LIFR: variants seen among roughly 807,000 people sequenced by gnomAD.
LIFR encodes the protein leukemia inhibitory factor receptor.
In LIFR, 84 loss-of-function variants were observed where a neutral mutation model predicts 122.2. The ratio of observed to expected loss-of-function variants is 0.69; its 90% confidence interval spans 0.58 to 0.82. The LOEUF is 0.82. Ranked by LOEUF, LIFR falls within the 40% of genes least tolerant of loss-of-function variation. The probability of loss-of-function intolerance (pLI) is 0.00; values close to 1 mark genes in which losing one functional copy is unlikely to be tolerated. For synonymous variants in LIFR, 422 were observed against 434.7 expected (o/e 0.97, Z 0.36); for missense variants, 1,294 against 1,311.6 (o/e 0.99, Z 0.21).
At chr5:38,517,985 G>T (rs115506381) in intron 5 of LIFR, among the ~76,000 whole-genome samples, 2,844 of 148,314 alleles carry the variant, frequency 0.019, 52 homozygotes, top group Non-Finnish European at 0.026. Context: ...GGGCACAGCA[G>T]CATGCACCTG....
chr5:38,510,715 A>AT lies in LIFR; in HGVS notation c.739dup (p.Ile247AsnfsTer3). On this transcript the variant is annotated frameshift_variant, in exon 7 of 20. Coordinates refer to ENST00000453190, the MANE Select transcript of LIFR (RefSeq NM_001127671.2). LOFTEE classifies it high-confidence loss of function. Reference sequence around the variant, plus strand: ...AAAAACCTTAGTCTGAGAATCAGGTATCCCTAGAAAGAAAAAGAGGAATTA... The same window carrying AT: ...AAAAACCTTAGTCTGAGAATCAGGTATTCCCTAGAAAGAAAAAGAGGAATTA... 6.2e-7 allele frequency: 1 copy of AT among 1,607,952 alleles called. No individual in the cohort carries two copies. Among genetic ancestry groups the AT allele is most frequent in the South Asian group, 1.1e-5 (1 of 90,846 alleles).
upstream of LIFR, among the ~76,000 whole-genome samples, chr5:38,599,284 A>C (rs1750180122): frequency 6.6e-6 from 1 of 152,240 alleles, no homozygotes; most frequent in Admixed American, 6.5e-5. Context: ...CATTGCCTTA[A>C]AGTCCTAGAG....
chr5:38,484,602 AATAAT>A (rs1299948282), intron 18 of LIFR, among the ~76,000 whole-genome samples, 168 bp downstream of exon 18: 1 of 152,200 alleles, frequency 6.6e-6, no homozygotes, highest in Non-Finnish European at 1.5e-5. Context: ...AAGACCTTTA[AATAAT>A]ATGTCATGTT....
At chr5:38,490,084 C>A in intron 15 of LIFR, 106 bp downstream of exon 15, 1 of 440,772 alleles carries the variant, frequency 2.3e-6, no homozygotes, top group Non-Finnish European at 4.2e-6. Flanking sequence ...TTTTACCTTC[C>A]TTCAATTATA....
intron 2 of LIFR, among the ~76,000 whole-genome samples, 178 bp from the exon 3 acceptor site, chr5:38,529,018 TG>T (rs1484761891): frequency 1.3e-5 from 2 of 151,046 alleles, no homozygotes; most frequent in Non-Finnish European, 2.9e-5. Context: ...CTGCAAGTCA[TG>T]GGAGTGGACT....
Position 38,476,667 on chromosome 5 carries a change from CAAA to C in LIFR, c.*4925_*4927del. 5.4e-6 allele frequency: 1 copy of C among 183,660 alleles called. No individual in the cohort carries two copies. Among genetic ancestry groups the C allele is most frequent in the Non-Finnish European group, 1.1e-5 (1 of 90,080 alleles). 11.4% of individuals were successfully genotyped at this position (183,660 alleles called of 1,614,324 possible). Reference sequence around the variant, plus strand: ...TTTTAGGGTATTCAGTCCCAGCAACCAAAAAAAAAAATGTAAATCATATTTTGT... The same window carrying C: ...TTTTAGGGTATTCAGTCCCAGCAACCAAAAAAAATGTAAATCATATTTTGT... On this transcript the variant is annotated 3_prime_UTR_variant, in exon 20 of 20. Transcript: ENST00000453190.
intron 1 of LIFR, among the ~76,000 whole-genome samples, chr5:38,573,337 T>G (rs1166986892): frequency 1.3e-5 from 2 of 152,192 alleles, no homozygotes; most frequent in African/African-American, 2.4e-5. Context: ...TTTCGATGTC[T>G]ACTTCACCAT....
chr5:38,527,849 G>T (rs1746775097), intron 3 of LIFR, among the ~76,000 whole-genome samples: 1 of 152,128 alleles, frequency 6.6e-6, no homozygotes, highest in Non-Finnish European at 1.5e-5. Context: ...TCTCTCCAGA[G>T]CATGCTTATA....
chr5:38,578,559 T>G (rs1206873980), intron 1 of LIFR, among the ~76,000 whole-genome samples: 1 of 151,920 alleles, frequency 6.6e-6, no homozygotes, highest in Non-Finnish European at 1.5e-5. Flanking sequence ...CTATTTCTTT[T>G]TTTTTTAGAC....
intron 1 of LIFR, among the ~76,000 whole-genome samples, chr5:38,575,480 C>T (rs1561220778): frequency 1.3e-5 from 2 of 152,114 alleles, no homozygotes. Context: ...AATCTGATGC[C>T]GTTGTCTGAT....
chr5:38,574,764 C>G (rs1191353822), intron 1 of LIFR, among the ~76,000 whole-genome samples: 1 of 152,218 alleles, frequency 6.6e-6, no homozygotes, highest in East Asian at 1.9e-4. Flanking sequence ...CTATACTCTA[C>G]TTTGCATGCT....
chr5:38,490,604 T>C, intron 14 of LIFR: 1 of 170,824 alleles, frequency 5.9e-6, no homozygotes, highest in South Asian at 1.5e-4. Flanking sequence ...TGCTTGATTT[T>C]TTTTTTTTTT....
intron 1 of LIFR, among the ~76,000 whole-genome samples, chr5:38,545,525 T>C (rs2112630316): frequency 6.6e-6 from 1 of 152,126 alleles, no homozygotes; most frequent in African/African-American, 2.4e-5. Context: ...AAAATGAGCA[T>C]TTTTACTTTT....
chr5:38,540,900 A>T (rs1747556248), intron 1 of LIFR, among the ~76,000 whole-genome samples: 1 of 152,284 alleles, frequency 6.6e-6, no homozygotes, highest in African/African-American at 2.4e-5. Flanking sequence ...TTGCTGCTGA[A>T]ATAATCTTAA....
chr5:38,550,807 A>T (rs1367011155), intron 1 of LIFR, among the ~76,000 whole-genome samples: 1 of 152,166 alleles, frequency 6.6e-6, no homozygotes, highest in African/African-American at 2.4e-5. Context: ...TTACACTGCC[A>T]ATCAGGACTC....
chr5:38,477,140 ATAAT>A lies in LIFR; in HGVS notation c.*4451_*4454del, dbSNP rs1012944694. On this transcript the variant is annotated 3_prime_UTR_variant, in exon 20 of 20. Transcript: ENST00000453190. ...TAATAAGCATGAATACGACCATGTA[ATAAT>A]TAATAGCACTAATTGAAAAGGAATA... The A allele has an allele frequency of 5.4e-5, 12 of 221,964 alleles. No homozygotes were observed. Among genetic ancestry groups the A allele is most frequent in the Non-Finnish European group, 8.1e-5 (9 of 110,926 alleles). The allele number at this position is 221,964 out of a possible 1,614,324, so 13.7% of individuals were successfully genotyped here.
At chr5:38,521,563 A>G (rs902187713) in intron 5 of LIFR, among the ~76,000 whole-genome samples, 3 of 152,074 alleles carry the variant, frequency 2.0e-5, no homozygotes, top group Admixed American at 6.5e-5. Context: ...CACTGGCCCC[A>G]TTGTTAGTGG....
Position 38,505,961 on chromosome 5 carries a change from GCATT to G in LIFR, c.1231_1234del (p.Asn411LeufsTer13). 3.1e-6 allele frequency: 5 copies of G among 1,610,624 alleles called. No homozygotes were observed. The highest frequency in any genetic ancestry group is 4.2e-6 in the Non-Finnish European group (5 of 1,177,892). ...TTGTGATCGACCCAGCGGATTGTGA[GCATT>G]CAAAGTAAAATTATATATTTCTTGA... is the stretch of plus-strand genomic sequence containing the variant. On this transcript the variant is annotated frameshift_variant, in exon 9 of 20. Coordinates refer to ENST00000453190, the MANE Select transcript of LIFR (RefSeq NM_001127671.2). LOFTEE classifies it high-confidence loss of function.
chr5:38,582,922 A>G (rs1199656451), intron 1 of LIFR, among the ~76,000 whole-genome samples: 1 of 152,214 alleles, frequency 6.6e-6, no homozygotes, highest in African/African-American at 2.4e-5. Flanking sequence ...CTGACGCCCT[A>G]TCTTCACCGT....
Sources: allele counts gnomAD v4.1 joint callset (sites outside exome capture counted in the v4.1 genomes callset), GRCh38; gene constraint gnomAD v4.1.1; transcripts MANE v1.5; gene names NCBI Gene and HGNC (gene_info 2026-07-23, HGNC 2026-07-21).